The following UPP2 variants were observed in gnomAD, a reference collection of about 807,000 sequenced individuals.
The protein encoded by UPP2 is uridine phosphorylase 2.
A neutral mutation model predicts 26.7 loss-of-function variants in UPP2; 23 were observed. That is an observed-to-expected ratio of 0.86 (90% CI 0.62 to 1.22). The LOEUF (loss-of-function observed/expected upper bound fraction) is 1.22, where lower values mean the gene tolerates loss of function less well. Among genes scored for constraint, UPP2 ranks in the 50% most tolerant of loss-of-function variants. The pLI is 0.00. For missense variants in UPP2, 387 were observed against 396.7 expected, an observed-to-expected ratio of 0.98 and a Z score of 0.21; for synonymous variants, 127 against 141.3, an observed-to-expected ratio of 0.90 and a Z score of 0.72.
Position 158,102,143 on chromosome 2 carries a change from T to C in UPP2, c.62+18T>C. 2 of 1,610,094 alleles carry C rather than the reference T, an allele frequency of 1.2e-6. No homozygotes were observed. The highest frequency in any genetic ancestry group is 1.7e-6 in the Non-Finnish European group (2 of 1,178,674). ...TATGTTGGGTGAGTAATTTTGATTT[T>C]GTAAATTTGTTTTGATCAGATGGTT... is the stretch of plus-strand genomic sequence containing the variant. On this transcript the variant is annotated intron_variant, in intron 1 of 6. Transcript: ENST00000005756.
chr2:158,039,883 C>A (rs1684060935), intron 3 of UPP2, among the ~76,000 whole-genome samples: 1 of 152,212 alleles, frequency 6.6e-6, no homozygotes, highest in Admixed American at 6.5e-5. Flanking sequence ...AGGCCCTAGA[C>A]TGAGGCCCCA....
intron 4 of UPP2, among the ~76,000 whole-genome samples, chr2:158,118,252 GT>G (rs373739100): frequency 2.0e-5 from 3 of 151,452 alleles, no homozygotes; most frequent in East Asian, 3.9e-4. Flanking sequence ...AGTCTTAGGA[GT>G]TTTTTTAAAG....
intron 3 of UPP2, among the ~76,000 whole-genome samples, chr2:158,073,809 C>A (rs1477124713): frequency 1.3e-5 from 2 of 152,176 alleles, no homozygotes; most frequent in Admixed American, 6.5e-5. Context: ...TTTATCAACA[C>A]CAGATCTTTC....
rs1322213423 is a variant in UPP2, at chr2:158,118,933, A to C, written c.454+995A>C. Among the ~76,000 whole-genome samples, 5 of 152,168 alleles carry C rather than the reference A, an allele frequency of 3.3e-5. No individual in the cohort carries two copies. The South Asian group carries it at 8.3e-4, about 25-fold the overall frequency. On this transcript the variant is annotated intron_variant, in intron 4 of 6. Coordinates refer to ENST00000005756, the MANE Select transcript of UPP2 (RefSeq NM_173355.4). ...CAGCCGTGGTCCAGGAATAAAGTCC[A>C]GCCAAGGCCCTTACATCTGGGAGAA... is the stretch of plus-strand genomic sequence containing the variant.
intron 3 of UPP2, among the ~76,000 whole-genome samples, chr2:158,096,190 C>G (rs971462398): frequency 1.3e-5 from 2 of 152,184 alleles, no homozygotes; most frequent in African/African-American, 4.8e-5. Flanking sequence ...CTGTGGGAGT[C>G]AGGCTCGTGA....
chr2:158,104,603 A>T (rs1683141531), intron 1 of UPP2, among the ~76,000 whole-genome samples: 1 of 152,078 alleles, frequency 6.6e-6, no homozygotes, highest in South Asian at 2.1e-4. Context: ...GCCTGGTAAA[A>T]TGTTTTGAGG....
chr2:158,076,034 C>G (rs1682625854), intron 3 of UPP2, among the ~76,000 whole-genome samples: 1 of 151,786 alleles, frequency 6.6e-6, no homozygotes, highest in Non-Finnish European at 1.5e-5. Context: ...TCACTAGTGG[C>G]TATTATGAGC....
chr2:158,132,345 G>A lies in UPP2; in HGVS notation c.812-2403G>A, dbSNP rs887966495. 3.3e-5 allele frequency among the ~76,000 whole-genome samples: 5 copies of A among 152,226 alleles called. No individual in the cohort carries two copies. The South Asian group carries it at 1.0e-3, about 32-fold the overall frequency. The stretch of plus-strand genomic sequence containing the variant: ...GTTCACCATGTGCTAGCTCAGGGGA[G>A]GAGTGGATGGAAGGTAGAGAACTCT... On this transcript the variant is annotated intron_variant, in intron 6 of 6. Coordinates refer to ENST00000005756, the MANE Select transcript of UPP2 (RefSeq NM_173355.4).
chr2:158,028,351 A>G (rs1683868649), intron 3 of UPP2, among the ~76,000 whole-genome samples: 1 of 152,188 alleles, frequency 6.6e-6, no homozygotes, highest in Non-Finnish European at 1.5e-5. Context: ...TCTCTAGGGC[A>G]GGGTCAAAAT....
In UPP2 at chr2:158,064,886, C is replaced by T. The variant is rs144170976; in HGVS notation, c.148-37154C>T. On this transcript the variant is annotated intron_variant, in intron 3 of 9. Coordinates refer to the UPP2 transcript ENST00000605860. ...TTTTTGTGTCAGGTTTGTCAAAGAT[C>T]AGATGGTTGTAGATGTGCAATGCTA... Among the ~76,000 whole-genome samples, 674 of 152,214 alleles carry T rather than the reference C, an allele frequency of 4.4e-3. 2 individuals carry two copies. The highest frequency in any genetic ancestry group is 0.015 in the African/African-American group (611 of 41,534).
intron 3 of UPP2, among the ~76,000 whole-genome samples, chr2:158,096,333 T>C (rs1682984501): frequency 6.6e-6 from 1 of 152,212 alleles, no homozygotes; most frequent in Non-Finnish European, 1.5e-5. Flanking sequence ...GTGTGGTGGC[T>C]CACGCCTGTA....
At chr2:158,060,929 G>A (rs1026971530) in intron 3 of UPP2, among the ~76,000 whole-genome samples, 2 of 152,112 alleles carry the variant, frequency 1.3e-5, no homozygotes, top group Non-Finnish European at 2.9e-5. Flanking sequence ...TAAGTCACCC[G>A]GTCTATGGCA....
At chr2:158,019,196 G>T (rs922739209) in intron 3 of UPP2, among the ~76,000 whole-genome samples, 1 of 152,152 alleles carries the variant, frequency 6.6e-6, no homozygotes, top group Non-Finnish European at 1.5e-5. Flanking sequence ...GAGGAATCAG[G>T]AGGCCTTCCT....
intron 3 of UPP2, among the ~76,000 whole-genome samples, chr2:158,032,544 C>T (rs1473362850): frequency 6.6e-6 from 1 of 152,004 alleles, no homozygotes; most frequent in Admixed American, 6.6e-5. Flanking sequence ...AGGGCAGTGG[C>T]AGAGGAGGGC....
chr2:158,113,092 G>T (rs759542899), intron 2 of UPP2, among the ~76,000 whole-genome samples: 6 of 152,166 alleles, frequency 3.9e-5, no homozygotes, highest in Non-Finnish European at 7.3e-5. Flanking sequence ...TAGGAGTAAG[G>T]AAGGCTTTAA....
At position 158,074,514 on chromosome 2, in the gene UPP2, C is replaced by T. The variant is rs552866387; in HGVS notation, c.148-27526C>T. Among the ~76,000 whole-genome samples the T allele has an allele frequency of 1.1e-4, 16 of 152,126 alleles. No homozygotes were observed. The South Asian group carries it at 3.3e-3, about 32-fold the overall frequency. On this transcript the variant is annotated intron_variant, in intron 3 of 9. Coordinates refer to the UPP2 transcript ENST00000605860. ...TGCAATCAGTGTTAAGTTGACATCACTTTAAAACAACGGGTTATATGACAG... is the reference window on the plus strand; with the variant it reads ...TGCAATCAGTGTTAAGTTGACATCATTTTAAAACAACGGGTTATATGACAG...
intron 3 of UPP2, among the ~76,000 whole-genome samples, chr2:158,023,229 T>TTGG (rs1553463648): frequency 5.9e-5 from 2 of 34,160 alleles, no homozygotes; most frequent in African/African-American, 1.1e-4. Flanking sequence ...TTGCTGTCAG[T>TTGG]TGGGGGGGGG....
chr2:158,052,292 T>TC (rs567362647), intron 3 of UPP2, among the ~76,000 whole-genome samples: 2 of 152,172 alleles, frequency 1.3e-5, no homozygotes, highest in Non-Finnish European at 2.9e-5. Flanking sequence ...TGAGGAATGT[T>TC]CCTAAGGAAC....
upstream of UPP2, among the ~76,000 whole-genome samples, chr2:158,098,021 G>A (rs964809949): frequency 6.6e-6 from 1 of 151,914 alleles, no homozygotes; most frequent in Non-Finnish European, 1.5e-5. Context: ...GGCAATGTGA[G>A]GAAAAATAAA....
Sources: gnomAD v4.1 joint callset for allele counts (sites outside exome capture counted in the v4.1 genomes callset) on GRCh38, gnomAD v4.1.1 for gene constraint, MANE v1.5 for transcripts, NCBI Gene and HGNC (gene_info 2026-07-23, HGNC 2026-07-21) for gene names.